Variants in SLC25A21 observed in about 807,000 individuals in gnomAD.
SLC25A21 encodes the protein solute carrier family 25 member 21.
A neutral mutation model predicts 43.8 loss-of-function variants in SLC25A21; 47 were observed. That is an observed-to-expected ratio of 1.07 (90% CI 0.85 to 1.37). The LOEUF (loss-of-function observed/expected upper bound fraction) is 1.37, where lower values mean the gene tolerates loss of function less well. SLC25A21 is among the 40% of genes most tolerant of loss of function. The pLI is 0.00. For missense variants in SLC25A21, 352 were observed against 350.2 expected (o/e 1.00, Z -0.04); for synonymous variants, 131 against 121.3 (o/e 1.08, Z -0.52).
chr14:36,977,954 TAAAA>T lies in SLC25A21; in HGVS notation c.71-102954_71-102951del, dbSNP rs36000189. ...TGATTACAAAGCTTTTTTTTTTTTT[TAAAA>T]AAAAAAAAAGACAATTAGTTTGAAC... is the stretch of plus-strand genomic sequence containing the variant. On this transcript the variant is annotated intron_variant, in intron 1 of 9. Transcript: ENST00000331299. 7.1e-4 allele frequency among the ~76,000 whole-genome samples: 86 copies of T among 121,098 alleles called. No homozygotes were observed. In the East Asian group the frequency reaches 9.4e-3, roughly 13 times the overall value. 79.4% of individuals were successfully genotyped at this position (121,098 alleles called of 152,430 possible).
chr14:36,828,828 C>G (rs1403241144), intron 2 of SLC25A21: 1 of 152,256 alleles, frequency 6.6e-6, no homozygotes, highest in Non-Finnish European at 1.5e-5. Flanking sequence ...TAGTGACCAT[C>G]ACTTACTCCT....
intron 1 of SLC25A21, among the ~76,000 whole-genome samples, chr14:37,022,818 A>G (rs1050948453): frequency 2.6e-5 from 4 of 152,094 alleles, no homozygotes; most frequent in African/African-American, 4.8e-5. Context: ...GAGTGAGAGA[A>G]TGAATGAATT....
chr14:36,934,615 T>C (rs959935671), intron 1 of SLC25A21, among the ~76,000 whole-genome samples: 1 of 151,970 alleles, frequency 6.6e-6, no homozygotes, highest in African/African-American at 2.4e-5. Flanking sequence ...CACCAGTACT[T>C]ATGGGGTAAA....
At chr14:36,746,168 C>A (rs1307321240) in intron 3 of SLC25A21, among the ~76,000 whole-genome samples, 8 of 152,186 alleles carry the variant, frequency 5.3e-5, no homozygotes, top group African/African-American at 1.9e-4. Context: ...TTTATTGCAA[C>A]ACTATTCCCA....
At chr14:37,022,164 T>C (rs1056019996) in intron 1 of SLC25A21, among the ~76,000 whole-genome samples, 16 of 151,952 alleles carry the variant, frequency 1.1e-4, no homozygotes, top group Admixed American at 3.9e-4. Context: ...CCATTATTTT[T>C]TGTATAATAC....
At chr14:37,068,641 A>C (rs1239994390) in intron 1 of SLC25A21, among the ~76,000 whole-genome samples, 5 of 152,238 alleles carry the variant, frequency 3.3e-5, no homozygotes, top group Admixed American at 1.3e-4. Context: ...AAACATTGCT[A>C]GATGCTAATA....
At chr14:36,766,400 T>C (rs1886416854) in intron 3 of SLC25A21, among the ~76,000 whole-genome samples, 1 of 152,170 alleles carries the variant, frequency 6.6e-6, no homozygotes, top group Non-Finnish European at 1.5e-5. Flanking sequence ...TAATCTGAAG[T>C]ACACATTCCC....
chr14:36,787,293 G>C (rs1339698153), intron 3 of SLC25A21, among the ~76,000 whole-genome samples: 1 of 152,102 alleles, frequency 6.6e-6, no homozygotes, highest in African/African-American at 2.4e-5. Flanking sequence ...AGGTGAAGTG[G>C]GGAAGCAGTA....
At chr14:37,135,531 A>G (rs775317329) in intron 1 of SLC25A21, among the ~76,000 whole-genome samples, 10 of 152,238 alleles carry the variant, frequency 6.6e-5, no homozygotes, top group Non-Finnish European at 1.3e-4. Context: ...TCCAGCAGAA[A>G]AACTAAAAAT....
intron 1 of SLC25A21, among the ~76,000 whole-genome samples, chr14:37,086,310 C>A (rs1962485856): frequency 6.6e-6 from 1 of 152,144 alleles, no homozygotes; most frequent in South Asian, 2.1e-4. Flanking sequence ...ATGACAATCA[C>A]ACATGGTATA....
intron 1 of SLC25A21, among the ~76,000 whole-genome samples, chr14:37,042,091 G>A (rs907819766): frequency 2.6e-5 from 4 of 152,092 alleles, no homozygotes; most frequent in East Asian, 3.9e-4. Context: ...AATACATTAC[G>A]GGGTAACCTT....
intron 1 of SLC25A21, among the ~76,000 whole-genome samples, chr14:37,088,535 G>A (rs1362849065): frequency 6.6e-6 from 1 of 152,160 alleles, no homozygotes; most frequent in African/African-American, 2.4e-5. Context: ...TCTAAAAATC[G>A]ATTGTTCAAA....
At position 36,679,906 on chromosome 14, in the gene SLC25A21, C is replaced by CTT. The variant is rs1254407828; in HGVS notation, c.*750_*751dup. ...AGTAAATTTTATTTCATGTTTCCTA[C>CTT]TTGTGTTAGAAGAGATTTGGAATAC... On this transcript the variant is annotated 3_prime_UTR_variant, in exon 10 of 10. Coordinates refer to ENST00000331299, the MANE Select transcript of SLC25A21 (RefSeq NM_030631.4). 13 of 954,792 alleles carry CTT rather than the reference C, an allele frequency of 1.4e-5. No individual in the cohort carries two copies. In the South Asian group the frequency reaches 4.4e-4, roughly 32 times the overall value. The allele number at this position is 954,792 out of a possible 1,614,324, so 59.1% of individuals were successfully genotyped here.
At chr14:36,700,064 A>G (rs778778136) in intron 7 of SLC25A21, among the ~76,000 whole-genome samples, 1 of 152,110 alleles carries the variant, frequency 6.6e-6, no homozygotes, top group Non-Finnish European at 1.5e-5. Flanking sequence ...AGCTGTTCCT[A>G]TTCGGCCATC....
chr14:37,054,818 C>T (rs1961786119), intron 1 of SLC25A21, among the ~76,000 whole-genome samples: 1 of 152,172 alleles, frequency 6.6e-6, no homozygotes. Context: ...CAATCTCTCG[C>T]AGCAAAATAA....
chr14:36,891,540 A>G (rs914158330), intron 1 of SLC25A21, among the ~76,000 whole-genome samples: 3 of 152,176 alleles, frequency 2.0e-5, no homozygotes, highest in African/African-American at 7.2e-5. Context: ...CTTATACACT[A>G]AAGTATATAT....
At chr14:36,972,137 C>T (rs1335906319) in intron 1 of SLC25A21, among the ~76,000 whole-genome samples, 1 of 152,106 alleles carries the variant, frequency 6.6e-6, no homozygotes, top group Admixed American at 6.5e-5. Flanking sequence ...CATTGTGTTA[C>T]AGTTGCCTAC....
At chr14:36,955,210 A>G (rs1201401862) in intron 1 of SLC25A21, among the ~76,000 whole-genome samples, 1 of 152,218 alleles carries the variant, frequency 6.6e-6, no homozygotes, top group Non-Finnish European at 1.5e-5. Flanking sequence ...ACATGGTAAA[A>G]TTCACTTGAA....
At chr14:37,068,956 C>T (rs1048160484) in intron 1 of SLC25A21, among the ~76,000 whole-genome samples, 1 of 152,142 alleles carries the variant, frequency 6.6e-6, no homozygotes, top group Admixed American at 6.5e-5. Context: ...GGGCAGATAA[C>T]GAGGTCAGGA....
Sources: allele counts gnomAD v4.1 joint callset (sites outside exome capture counted in the v4.1 genomes callset), GRCh38; gene constraint gnomAD v4.1.1; transcripts MANE v1.5; gene names NCBI Gene and HGNC (gene_info 2026-07-23, HGNC 2026-07-21).